HAUS1: variants seen among roughly 807,000 people sequenced by gnomAD.
HAUS1 encodes the protein HAUS augmin like complex subunit 1, also known as HAUS augmin-like complex subunit 1.
In HAUS1, 25 loss-of-function variants were observed where a neutral mutation model predicts 38.6. The observed-to-expected ratio is 0.65, with a 90% CI of 0.47 to 0.91. The LOEUF (loss-of-function observed/expected upper bound fraction) is 0.91, where lower values mean the gene tolerates loss of function less well. Among genes scored for constraint, HAUS1 ranks in the 40% least tolerant of loss-of-function variants. The pLI is 0.00. For missense variants in HAUS1, 325 were observed against 328.4 expected (o/e 0.99, Z 0.08); for synonymous variants, 109 against 112.9 (o/e 0.97, Z 0.22).
rs754640172 is a variant in HAUS1, at chr18:46,118,250, C to T, written c.275C>T (p.Ser92Phe). The T allele has an allele frequency of 5.0e-6, 8 of 1,612,618 alleles. No individual in the cohort carries two copies. Among genetic ancestry groups the T allele is most frequent in the Non-Finnish European group, 3.4e-6 (4 of 1,179,774 alleles). ...FSPANLSSTG[S>F]RYLNALVDSA... ...CCCGCCAATCTCTCTAGCACTGGTT[C>T]CAGGTATCTGAATGCTTTGGTTGAC... Residue 92 changes from serine to phenylalanine, a missense_variant, in exon 3 of 9, where the codon TCC becomes TTC. Physicochemically the swap from Ser to Phe is radical, Grantham distance 155. Transcript: ENST00000282058.
intron 2 of HAUS1, among the ~76,000 whole-genome samples, chr18:46,113,622 A>T (rs1194632559): frequency 2.6e-5 from 4 of 152,082 alleles, no homozygotes; most frequent in Admixed American, 2.6e-4. Flanking sequence ...TGGATATTTG[A>T]AGTTTTTCCT....
In HAUS1 at chr18:46,118,264, G is replaced by A. The variant is rs1396905894; in HGVS notation, c.289G>A (p.Ala97Thr). ...TAGCACTGGTTCCAGGTATCTGAATGCTTTGGTTGACAGTGCGGTGGCCCT... is the reference window on the plus strand; with the variant it reads ...TAGCACTGGTTCCAGGTATCTGAATACTTTGGTTGACAGTGCGGTGGCCCT... ...LSSTGSRYLN[A>T]LVDSAVALET... The change falls in exon 3 of 9, where the codon GCT (alanine) becomes ACT (threonine). Residue 97 changes from alanine to threonine, a missense_variant. Ala to Thr is a moderately conservative substitution (Grantham distance 58). Coordinates refer to ENST00000282058, the MANE Select transcript of HAUS1 (RefSeq NM_138443.4). 6.2e-7 allele frequency: 1 copy of A among 1,613,060 alleles called. No homozygotes were observed. Among genetic ancestry groups the A allele is most frequent in the East Asian group, 2.2e-5 (1 of 44,874 alleles).
intron 2 of HAUS1, among the ~76,000 whole-genome samples, chr18:46,110,048 G>A (rs1911577336): frequency 6.6e-6 from 1 of 151,732 alleles, no homozygotes; most frequent in Non-Finnish European, 1.5e-5. Flanking sequence ...TACCATTTGG[G>A]GCTATTTGAT....
chr18:46,124,734 C>A, intron 6 of HAUS1, 88 bp from the exon 7 acceptor site: 1 of 708,662 alleles, frequency 1.4e-6, no homozygotes, highest in Non-Finnish European at 2.4e-6. Context: ...AATGTTAATG[C>A]TTTGTTGTGT....
At chr18:46,127,631 G>A (rs941726813) in intron 8 of HAUS1, among the ~76,000 whole-genome samples, 9 of 151,476 alleles carry the variant, frequency 5.9e-5, no homozygotes, top group Non-Finnish European at 2.9e-5. Context: ...GCTTGAACCC[G>A]GGAAGCAGAG....
intron 2 of HAUS1, among the ~76,000 whole-genome samples, chr18:46,110,805 C>T (rs1911609899): frequency 6.6e-6 from 1 of 151,212 alleles, no homozygotes; most frequent in Non-Finnish European, 1.5e-5. Context: ...ATTATTTCAC[C>T]AAGAAGTCAG....
intron 2 of HAUS1, among the ~76,000 whole-genome samples, chr18:46,117,179 TA>T (rs1911817072): frequency 6.6e-6 from 1 of 152,206 alleles, no homozygotes; most frequent in African/African-American, 2.4e-5. Flanking sequence ...CAATTCCACT[TA>T]CACCCAAGAG....
At chr18:46,105,592 G>A (rs8083158) in intron 2 of HAUS1, among the ~76,000 whole-genome samples, 142,957 of 145,382 alleles carry the variant, frequency 0.98, 70,296 homozygotes, top group Middle Eastern at 0.99. Context: ...GTGTGTGTGT[G>A]TATATATTTT....
rs1045626677 is a variant in HAUS1 at position 46,104,415 on chromosome 18, G to C, written c.4G>C (p.Glu2Gln). 1.4e-6 allele frequency: 2 copies of C among 1,462,684 alleles called. No individual in the cohort carries two copies. Among genetic ancestry groups the C allele is most frequent in the Non-Finnish European group, 1.8e-6 (2 of 1,096,828 alleles). 90.6% of individuals were successfully genotyped at this position (1,462,684 alleles called of 1,614,324 possible). A position where few individuals can be genotyped will look rare whatever the true frequency, so the allele number is the denominator to read the frequency against. ...TAAAGTGGCGGGAGCCGCAGCTATG[G>C]AGCCGCAGGAGGAGAGAGAAACGCA... M[E>Q]PQEERETQVA... Residue 2 changes from glutamate to glutamine, a missense_variant, in exon 1 of 9, where the codon GAG (glutamate) becomes CAG (glutamine). Glu to Gln is a conservative substitution (Grantham distance 29). Transcript: ENST00000282058.
At position 46,105,376 on chromosome 18, in the gene HAUS1, T is replaced by C; in HGVS notation, c.205+8T>C. ...GTGAATACGAGTCAGAAGGTGAGAT[T>C]AAGTCCAGAGTTTTGAACGAGAATA... On this transcript the variant is annotated splice_region_variant and intron_variant, in intron 2 of 8. Coordinates refer to ENST00000282058, the MANE Select transcript of HAUS1 (RefSeq NM_138443.4). 1.9e-6 allele frequency: 3 copies of C among 1,607,618 alleles called. No individual in the cohort carries two copies. The highest frequency in any genetic ancestry group is 2.6e-6 in the Non-Finnish European group (3 of 1,176,200).
At chr18:46,122,696 A>G (rs1308255683) in intron 5 of HAUS1, 106 bp downstream of exon 5, 3 of 1,301,766 alleles carry the variant, frequency 2.3e-6, no homozygotes, top group Non-Finnish European at 3.2e-6. Context: ...AGAGGACTAT[A>G]GAGAAGTTGG....
rs1394048928 is a variant in HAUS1 at position 46,120,049 on chromosome 18, A to G, written c.465A>G (p.Lys155=). The G allele has an allele frequency of 1.3e-5, 21 of 1,596,704 alleles. No homozygotes were observed. The highest frequency in any genetic ancestry group is 1.7e-5 in the Non-Finnish European group (20 of 1,168,344). Residue 155 remains lysine, a synonymous_variant, in exon 4 of 9, where the codon AAA becomes AAG. Transcript: ENST00000282058. ...KNLTATLVLE[K]CLQEDVKKAE... The stretch of plus-strand genomic sequence containing the variant: ...TAACTGCAACTTTAGTATTAGAAAA[A>G]TGTCTACAAGAGTAAGTAATTGAGT...
Position 46,122,456 on chromosome 18 carries a change from G to T in HAUS1, c.477-11G>T, listed in dbSNP as rs1292158899. 3.1e-6 allele frequency: 5 copies of T among 1,611,172 alleles called. No individual in the cohort carries two copies. In the East Asian group the frequency reaches 8.9e-5, roughly 29 times the overall value. ...AGAAGAAGAAAATGTTTTTAATTTT[G>T]CTTTTTAAAGGGATGTCAAGAAAGC... is the stretch of plus-strand genomic sequence containing the variant. On this transcript the variant is annotated splice_polypyrimidine_tract_variant and intron_variant, in intron 4 of 8. Transcript: ENST00000282058.
chr18:46,118,929 G>T (rs764319938), intron 3 of HAUS1, among the ~76,000 whole-genome samples: 2 of 152,106 alleles, frequency 1.3e-5, no homozygotes, highest in African/African-American at 4.8e-5. Context: ...GTGCAGTGGC[G>T]TGATCTCGGC....
rs771687069 is a variant in HAUS1 at position 46,122,542 on chromosome 18, T to G, written c.552T>G (p.Phe184Leu). The G allele has an allele frequency of 3.1e-6, 5 of 1,614,160 alleles. No homozygotes were observed. The highest frequency in any genetic ancestry group is 4.2e-6 in the Non-Finnish European group (5 of 1,180,016). The change falls in exon 5 of 9, where the codon TTT becomes TTG. Residue 184 changes from phenylalanine (F) to leucine (L), a missense_variant. Transcript: ENST00000282058. The stretch of plus-strand genomic sequence containing the variant: ...ATAATCGTCGTCAGAACATGGACTT[T>G]CTAAAAGCAAAGTCAGAGGAATTCA... Reference protein sequence around the residue: ...KVDNRRQNMDFLKAKSEEFRF... With the variant: ...KVDNRRQNMDLLKAKSEEFRF...
In HAUS1 at chr18:46,110,152, CT is replaced by C. The variant is rs869105132; in HGVS notation, c.205+4805del. Among the ~76,000 whole-genome samples the C allele has an allele frequency of 9.0e-3, 1,042 of 115,332 alleles. 5 individuals are homozygous for C. The highest frequency in any genetic ancestry group is 0.024 in the African/African-American group (681 of 28,776). 75.7% of individuals were successfully genotyped at this position (115,332 alleles called of 152,430 possible). On this transcript the variant is annotated intron_variant, in intron 2 of 8. Transcript: ENST00000282058. ...TCTATCTAGCAGACTTTATTTTGTC[CT>C]TTTTTTTTTTTTTTTTTTTTGACAC...
chr18:46,112,249 A>C (rs549721989), intron 2 of HAUS1, among the ~76,000 whole-genome samples: 1 of 142,282 alleles, frequency 7.0e-6, no homozygotes, highest in East Asian at 2.0e-4. Flanking sequence ...ATATATATAT[A>C]ATGTGTATAT....
chr18:46,106,404 G>A (rs1408898195), intron 2 of HAUS1, among the ~76,000 whole-genome samples: 2 of 151,706 alleles, frequency 1.3e-5, no homozygotes, highest in African/African-American at 4.8e-5. Context: ...AGGAGGCGGA[G>A]CTTGCAGTGA....
intron 2 of HAUS1, among the ~76,000 whole-genome samples, chr18:46,113,980 C>T (rs1386364524): frequency 6.6e-6 from 1 of 152,186 alleles, no homozygotes; most frequent in Non-Finnish European, 1.5e-5. Flanking sequence ...GACTTCCTCT[C>T]TTTCACTGAG....
Sources: gnomAD v4.1 joint callset for allele counts (sites outside exome capture counted in the v4.1 genomes callset) on GRCh38, gnomAD v4.1.1 for gene constraint, MANE v1.5 for transcripts, NCBI Gene and HGNC (gene_info 2026-07-23, HGNC 2026-07-21) for gene names.